The following NLRC4 variants were observed in gnomAD, a reference collection of about 807,000 sequenced individuals.
NLRC4 encodes NLR family CARD domain-containing protein 4.
NLRC4 carries 63 observed loss-of-function variants against 79.9 expected under a neutral mutation model. That is an observed-to-expected ratio of 0.79 (90% confidence interval 0.64 to 0.97). NLRC4 has a LOEUF of 0.97. Among genes scored for constraint, NLRC4 ranks in the 50% least tolerant of loss-of-function variants. The pLI is 0.00. For missense variants in NLRC4, 1,074 were observed against 1,215.2 expected, an observed-to-expected ratio of 0.88 and a Z score of 1.73; for synonymous variants, 461 against 456.5, an observed-to-expected ratio of 1.01 and a Z score of -0.12.
rs1687068666 is a variant in NLRC4, at chr2:32,251,205, A to T, written c.659T>A (p.Leu220His). The change falls in exon 4 of 9, where the codon CTC (leucine) becomes CAC (histidine). Residue 220 changes from leucine to histidine, a missense_variant. Leu to His is a moderately conservative substitution (Grantham distance 99). Transcript: ENST00000402280. ...GGLFETLCDQ[L>H]LDIPGTIRKQ... ...CCTGATTGTGCCAGGTATATCCAGG[A>T]GTTGATCACAGAGGGTTTCAAAAAG... 12 of 1,614,176 alleles carry T rather than the reference A, an allele frequency of 7.4e-6. No homozygotes were observed. Among genetic ancestry groups the T allele is most frequent in the Non-Finnish European group, 1.0e-5 (12 of 1,180,022 alleles).
intron 4 of NLRC4, among the ~76,000 whole-genome samples, chr2:32,242,429 T>C (rs184926494): frequency 6.6e-5 from 10 of 152,326 alleles, no homozygotes; most frequent in African/African-American, 2.4e-4. Context: ...GACCAATTTT[T>C]TGAAAACCAC....
Position 32,250,052 on chromosome 2 carries a change from A to C in NLRC4, c.1812T>G (p.Asn604Lys). 3.7e-6 allele frequency: 6 copies of C among 1,614,218 alleles called. No homozygotes were observed. The highest frequency in any genetic ancestry group is 5.1e-6 in the Non-Finnish European group (6 of 1,180,036). Residue 604 changes from asparagine to lysine, a missense_variant, in exon 4 of 9, where the codon AAT (asparagine) becomes AAG (lysine). Transcript: ENST00000402280. The surrounding 1 kb of genome is among the most constrained non-coding windows in gnomAD (Gnocchi z 4.9). Reference protein sequence around the residue: ...YLFDFFEHLPNCASALDFIKL... With the variant: ...YLFDFFEHLPKCASALDFIKL... The stretch of plus-strand genomic sequence containing the variant: ...TAATGAAGTCCAGGGCACTTGCACA[A>C]TTGGGCAAATGTTCAAAGAAGTCAA...
At chr2:32,254,323 G>A (rs1001548761) in intron 2 of NLRC4, among the ~76,000 whole-genome samples, 2 of 146,732 alleles carry the variant, frequency 1.4e-5, no homozygotes, top group Non-Finnish European at 3.0e-5. Context: ...CTTTATTCAG[G>A]TGTCACCAGA....
chr2:32,241,399 C>A (rs533117457), intron 4 of NLRC4, among the ~76,000 whole-genome samples: 87 of 95,952 alleles, frequency 9.1e-4, no homozygotes, highest in African/African-American at 3.3e-3. Flanking sequence ...TTTTTTGAGA[C>A]AGAGTCTTGC....
At chr2:32,231,780 G>A (rs187350975) in intron 8 of NLRC4, among the ~76,000 whole-genome samples, 19 of 151,198 alleles carry the variant, frequency 1.3e-4, no homozygotes, top group African/African-American at 3.9e-4. Context: ...GACTGGGCTC[G>A]GACTCCTGGG....
At position 32,256,767 on chromosome 2, in the gene NLRC4, ATACT is replaced by A. The variant is rs749477750; in HGVS notation, c.1+4_1+7del. Reference sequence around the variant, plus strand: ...TAACCAGGCAGATGTTATTTCTCATATACTTACTTGTTCTGGATGAAAGCTTCCC... The same window carrying A: ...TAACCAGGCAGATGTTATTTCTCATATACTTGTTCTGGATGAAAGCTTCCC... On this transcript the variant is annotated splice_donor_5th_base_variant and intron_variant, in intron 2 of 8. Transcript: ENST00000402280. 18 of 780,834 alleles carry A rather than the reference ATACT, an allele frequency of 2.3e-5. No individual in the cohort carries two copies. The highest frequency in any genetic ancestry group is 3.8e-5 in the Non-Finnish European group (16 of 418,078). 48.4% of individuals were successfully genotyped at this position (780,834 alleles called of 1,614,324 possible).
Position 32,250,214 on chromosome 2 carries a change from G to A in NLRC4, c.1650C>T (p.Asn550=), listed in dbSNP as rs1687037464. The A allele has an allele frequency of 1.9e-6, 3 of 1,614,194 alleles. No individual in the cohort carries two copies. The highest frequency in any genetic ancestry group is 1.1e-5 in the South Asian group (1 of 91,084). ...TTEQEILKAI[N]INSFVECGIH... Reference sequence around the variant, plus strand: ...TGCCACACTCTACAAAGGAATTGATGTTTATGGCTTTCAGAATTTCTTGCT... The same window carrying A: ...TGCCACACTCTACAAAGGAATTGATATTTATGGCTTTCAGAATTTCTTGCT... Residue 550 remains asparagine, a synonymous_variant, in exon 4 of 9, where the codon AAC becomes AAT. Transcript: ENST00000402280. The surrounding 1 kb of genome is among the most constrained non-coding windows in gnomAD (Gnocchi z 4.9).
intron 3 of NLRC4, among the ~76,000 whole-genome samples, chr2:32,252,193 C>G (rs969772976): frequency 1.3e-5 from 2 of 152,162 alleles, no homozygotes; most frequent in African/African-American, 4.8e-5. Context: ...AGACAATACT[C>G]AATCATTTAT....
chr2:32,233,996 T>C (rs1686615831), intron 8 of NLRC4, among the ~76,000 whole-genome samples: 1 of 152,128 alleles, frequency 6.6e-6, no homozygotes, highest in African/African-American at 2.4e-5. Flanking sequence ...TGTGTATATA[T>C]GGGAAGATGA....
Position 32,256,902 on chromosome 2 carries a change from CAAACA to C in NLRC4, c.-118-14_-118-10del. On this transcript the variant is annotated splice_polypyrimidine_tract_variant and intron_variant, in intron 1 of 8. Transcript: ENST00000402280. The stretch of plus-strand genomic sequence containing the variant: ...TAAAACTACTCTTCATTCTGTAAAA[CAAACA>C]AAACAGAACCAGAGACTATCAGGTG... 1.5e-6 allele frequency: 1 copy of C among 660,616 alleles called. No individual in the cohort carries two copies. The allele number at this position is 660,616 out of a possible 1,614,324, so 40.9% of individuals were successfully genotyped here. A position where few individuals can be genotyped will look rare whatever the true frequency, so the allele number is the denominator to read the frequency against.
intron 8 of NLRC4, among the ~76,000 whole-genome samples, chr2:32,230,468 G>A (rs1342158805): frequency 7.2e-6 from 1 of 138,434 alleles, no homozygotes; most frequent in Non-Finnish European, 1.6e-5. Flanking sequence ...CCCAGCCCCC[G>A]CTATTTTTTT....
At chr2:32,225,230 T>C (rs1420609984) in intron 8 of NLRC4, among the ~76,000 whole-genome samples, 1 of 152,214 alleles carries the variant, frequency 6.6e-6, no homozygotes. Context: ...CCTCCTTCAG[T>C]ATCTAAAGAT....
intron 8 of NLRC4, among the ~76,000 whole-genome samples, chr2:32,235,019 G>T (rs960002857): frequency 2.0e-5 from 3 of 152,056 alleles, no homozygotes; most frequent in Non-Finnish European, 4.4e-5. Context: ...ATATTTTGTG[G>T]CTCTATTTAG....
intron 8 of NLRC4, among the ~76,000 whole-genome samples, chr2:32,228,416 C>G (rs553205866): frequency 6.6e-6 from 1 of 152,148 alleles, no homozygotes; most frequent in African/African-American, 2.4e-5. Context: ...CACCGCCTCC[C>G]TTAGACACAC....
At chr2:32,230,107 G>C (rs905402488) in intron 8 of NLRC4, among the ~76,000 whole-genome samples, 1 of 152,134 alleles carries the variant, frequency 6.6e-6, no homozygotes, top group African/African-American at 2.4e-5. Flanking sequence ...GTGAGGGTGA[G>C]GCTGGCATCT....
intron 1 of NLRC4, among the ~76,000 whole-genome samples, chr2:32,259,708 C>G (rs1687292866): frequency 6.6e-6 from 1 of 152,074 alleles, no homozygotes; most frequent in Admixed American, 6.6e-5. Context: ...ATCCTATGCC[C>G]CTTCCCAGTC....
At chr2:32,231,089 T>C (rs564935320) in intron 8 of NLRC4, among the ~76,000 whole-genome samples, 90 of 152,324 alleles carry the variant, frequency 5.9e-4, no homozygotes, top group Non-Finnish European at 1.1e-3. Flanking sequence ...GTGAAATGTC[T>C]GTTCAGATTC....
At chr2:32,239,810 G>A (rs745962858) in intron 5 of NLRC4, among the ~76,000 whole-genome samples, 1 of 152,172 alleles carries the variant, frequency 6.6e-6, no homozygotes, top group Admixed American at 6.5e-5. Context: ...TTAGGTTCTA[G>A]TGGAGTTTTC....
At chr2:32,263,348 T>C (rs186553678) in intron 1 of NLRC4, among the ~76,000 whole-genome samples, 28 of 152,302 alleles carry the variant, frequency 1.8e-4, no homozygotes, top group Non-Finnish European at 3.2e-4. Context: ...CCCTGGACTA[T>C]TGTGAAGATT....
Sources: allele counts gnomAD v4.1 joint callset (sites outside exome capture counted in the v4.1 genomes callset), GRCh38; gene constraint gnomAD v4.1.1; non-coding constraint Gnocchi (gnomAD v3.1); transcripts MANE v1.5; gene names NCBI Gene and HGNC (gene_info 2026-07-23, HGNC 2026-07-21).